The following NRXN1 variants were observed in gnomAD, a reference collection of about 807,000 sequenced individuals.
The protein encoded by NRXN1 is neurexin-1.
A neutral mutation model predicts 150.9 loss-of-function variants in NRXN1; 39 were observed. That is an observed-to-expected ratio of 0.26 (90% CI 0.20 to 0.34). NRXN1 has a LOEUF of 0.34. NRXN1 is among the 10% of genes least tolerant of loss of function. The pLI, the probability that NRXN1 is intolerant of heterozygous loss-of-function variation, is 1.00. For missense variants in NRXN1, 1,815 were observed against 1,949.9 expected, an observed-to-expected ratio of 0.93 and a Z score of 1.30; for synonymous variants, 924 against 757.0, an observed-to-expected ratio of 1.22 and a Z score of -3.62.
chr2:50,469,289 G>C (rs1239964506), intron 16 of NRXN1, among the ~76,000 whole-genome samples: 2 of 151,602 alleles, frequency 1.3e-5, no homozygotes, highest in Non-Finnish European at 3.0e-5. Context: ...CCGTACTCTA[G>C]CTGAGGTGAA....
chr2:50,325,284 C>A (rs1163596448), intron 17 of NRXN1, among the ~76,000 whole-genome samples: 1 of 152,252 alleles, frequency 6.6e-6, no homozygotes, highest in African/African-American at 2.4e-5. Context: ...GCTGAAAAGA[C>A]CAGAAAAGAT....
intron 9 of NRXN1, chr2:50,547,509 A>G (rs961922535): frequency 6.6e-6 from 1 of 152,160 alleles, no homozygotes; most frequent in African/African-American, 2.4e-5. Context: ...ACCAGAGAAG[A>G]GGCAAAGGGG....
intron 17 of NRXN1, among the ~76,000 whole-genome samples, chr2:50,278,733 G>A (rs1228417837): frequency 6.6e-6 from 1 of 152,070 alleles, no homozygotes; most frequent in Non-Finnish European, 1.5e-5. Flanking sequence ...AACGGTCCAG[G>A]ATAGGCTGGA....
chr2:50,756,725 T>A (rs868320736), intron 5 of NRXN1, among the ~76,000 whole-genome samples: 1 of 151,748 alleles, frequency 6.6e-6, no homozygotes, highest in Non-Finnish European at 1.5e-5. Flanking sequence ...ATAGAAAAAA[T>A]TTCTCATGTT....
intron 12 of NRXN1, among the ~76,000 whole-genome samples, chr2:50,519,311 T>C (rs2105107728): frequency 6.6e-6 from 1 of 152,140 alleles, no homozygotes; most frequent in Non-Finnish European, 1.5e-5. Context: ...CACTGGATTA[T>C]TTATTAAGCT....
chr2:50,079,987 A>G (rs1268113318), intron 19 of NRXN1, among the ~76,000 whole-genome samples: 1 of 152,160 alleles, frequency 6.6e-6, no homozygotes, highest in Non-Finnish European at 1.5e-5. Context: ...AGTAAATGGC[A>G]TGCAATTTAA....
intron 16 of NRXN1, among the ~76,000 whole-genome samples, chr2:50,471,922 C>G (rs1290345243): frequency 6.6e-6 from 1 of 151,698 alleles, no homozygotes; most frequent in Non-Finnish European, 1.5e-5. Context: ...AAAATGGGCA[C>G]AAGTTGATTA....
chr2:49,968,732 T>C (rs1403335694), intron 21 of NRXN1, among the ~76,000 whole-genome samples: 2 of 152,120 alleles, frequency 1.3e-5, no homozygotes, highest in African/African-American at 2.4e-5. Flanking sequence ...TTCTCCAAGC[T>C]ACCTTGAAAT....
intron 17 of NRXN1, among the ~76,000 whole-genome samples, chr2:50,339,323 A>G (rs2077395151): frequency 6.6e-6 from 1 of 151,140 alleles, no homozygotes; most frequent in Admixed American, 6.6e-5. Flanking sequence ...GGAACATTTA[A>G]AAGTTCACAA....
At chr2:49,937,137 C>T (rs1307845925) in intron 22 of NRXN1, among the ~76,000 whole-genome samples, 1 of 152,170 alleles carries the variant, frequency 6.6e-6, no homozygotes, top group African/African-American at 2.4e-5. Flanking sequence ...AGGGTGGGAG[C>T]CTAACTTTAG....
At chr2:50,633,159 T>C (rs186631934) in intron 5 of NRXN1, among the ~76,000 whole-genome samples, 3 of 152,262 alleles carry the variant, frequency 2.0e-5, no homozygotes, top group Non-Finnish European at 2.9e-5. Context: ...AAAACTATCA[T>C]GCATTCTGGA....
intron 5 of NRXN1, among the ~76,000 whole-genome samples, chr2:50,810,904 C>T (rs1668126318): frequency 6.6e-6 from 1 of 151,572 alleles, no homozygotes; most frequent in South Asian, 2.1e-4. Flanking sequence ...CAGTTGAACT[C>T]GAGAGGCGGT....
intron 5 of NRXN1, among the ~76,000 whole-genome samples, chr2:50,712,966 A>G (rs1342942264): frequency 6.6e-6 from 1 of 152,176 alleles, no homozygotes; most frequent in Non-Finnish European, 1.5e-5. Context: ...TTTGTTTCCC[A>G]GTTTAAAATT....
At chr2:50,834,018 T>G (rs1044813304) in intron 5 of NRXN1, among the ~76,000 whole-genome samples, 5 of 152,152 alleles carry the variant, frequency 3.3e-5, no homozygotes, top group African/African-American at 1.2e-4. Flanking sequence ...CAACTGAAAT[T>G]TAATTTATAC....
chr2:50,313,588 G>T (rs1247364437), intron 17 of NRXN1, among the ~76,000 whole-genome samples: 1 of 152,034 alleles, frequency 6.6e-6, no homozygotes, highest in Non-Finnish European at 1.5e-5. Context: ...AATCTGGGCA[G>T]GTATAACAGG....
At chr2:50,269,108 TAGAC>T (rs71872238) in intron 17 of NRXN1, among the ~76,000 whole-genome samples, 3,912 of 152,224 alleles carry the variant, frequency 0.026, 160 homozygotes, top group African/African-American at 0.088. Flanking sequence ...GAAACAGACT[TAGAC>T]AGGGAAAGTG....
intron 13 of NRXN1, among the ~76,000 whole-genome samples, chr2:50,501,306 C>T (rs1020956817): frequency 6.6e-6 from 1 of 151,770 alleles, no homozygotes; most frequent in African/African-American, 2.4e-5. Context: ...GCGGGAGCGC[C>T]AGGGTCCAGA....
chr2:50,836,680 A>C (rs1672151241), intron 5 of NRXN1, among the ~76,000 whole-genome samples: 1 of 152,098 alleles, frequency 6.6e-6, no homozygotes, highest in South Asian at 2.1e-4. Context: ...ATAGTATTTC[A>C]TTATGCATAT....
chr2:50,852,236 G>A (rs779743760), intron 5 of NRXN1, among the ~76,000 whole-genome samples: 2 of 152,110 alleles, frequency 1.3e-5, no homozygotes, highest in Non-Finnish European at 2.9e-5. Flanking sequence ...CAGTTGAAAT[G>A]CTTTTTAAAT....
Sources: allele counts gnomAD v4.1 joint callset (sites outside exome capture counted in the v4.1 genomes callset), GRCh38; gene constraint gnomAD v4.1.1; transcripts MANE v1.5; gene names NCBI Gene and HGNC (gene_info 2026-07-23, HGNC 2026-07-21).